DHCR7: variants seen among roughly 807,000 people sequenced by gnomAD.
DHCR7 encodes the protein 7-dehydrocholesterol reductase, also known as 7-DHC reductase.
Under a neutral mutation model 43.3 loss-of-function variants are expected in DHCR7, and 40 were observed. That is an observed-to-expected ratio of 0.92 (90% confidence interval 0.72 to 1.20). The LOEUF is 1.20. DHCR7 is among the 50% of genes most tolerant of loss of function. The pLI, the probability that DHCR7 is intolerant of heterozygous loss-of-function variation, is 0.00. For missense variants in DHCR7, 608 were observed against 644.6 expected (o/e 0.94, Z 0.62); for synonymous variants, 298 against 271.4 (o/e 1.10, Z -0.96).
intron 5 of DHCR7, among the ~76,000 whole-genome samples, chr11:71,441,671 C>G (rs1239306219): frequency 6.6e-6 from 1 of 152,174 alleles, no homozygotes; most frequent in Non-Finnish European, 1.5e-5. Flanking sequence ...GGTTCTGCAT[C>G]TCGTTAACTG....
chr11:71,429,290 G>T (rs1410230245), intron 2 of DHCR7, among the ~76,000 whole-genome samples: 1 of 152,206 alleles, frequency 6.6e-6, no homozygotes, highest in South Asian at 2.1e-4. Context: ...CCCTCAGAAC[G>T]ACCCTGGCTT....
intron 4 of DHCR7, 147 bp from the exon 5 acceptor site, chr11:71,442,500 G>A (rs567247552): frequency 4.3e-6 from 3 of 701,048 alleles, no homozygotes; most frequent in Admixed American, 4.2e-5. Flanking sequence ...TGGGCTGTGG[G>A]TTTTGAAGGG....
chr11:71,448,933 A>C (rs1949435438), upstream of DHCR7: 1 of 152,552 alleles, frequency 6.6e-6, no homozygotes, highest in African/African-American at 2.4e-5. Context: ...AGACCGCCAA[A>C]GTGACCCGAG....
At chr11:71,441,531 T>A in intron 5 of DHCR7, 91 bp from the exon 6 acceptor site, 1 of 1,133,164 alleles carries the variant, frequency 8.8e-7, no homozygotes. Context: ...GGGGCCCTGG[T>A]CACTTTCTGG....
At chr11:71,437,663 G>A (rs1293705748) in intron 8 of DHCR7, 149 bp downstream of exon 8, 6 of 1,179,240 alleles carry the variant, frequency 5.1e-6, no homozygotes, top group Non-Finnish European at 6.0e-6. Flanking sequence ...GGCCCAAGCT[G>A]GCTGAGCTGG....
intron 2 of DHCR7, among the ~76,000 whole-genome samples, chr11:71,447,072 C>A (rs1294648100): frequency 6.6e-6 from 1 of 152,192 alleles, no homozygotes; most frequent in Non-Finnish European, 1.5e-5. Flanking sequence ...CCACTCCCTC[C>A]GATCCCTAGT....
chr11:71,443,464 TACA>T (rs1202601621), intron 4 of DHCR7, among the ~76,000 whole-genome samples: 8 of 152,188 alleles, frequency 5.3e-5, no homozygotes, highest in Admixed American at 2.0e-4. Context: ...GCACCAGGTT[TACA>T]ACAACCCCTT....
chr11:71,444,353 G>A (rs921222771), intron 3 of DHCR7, 138 bp from the exon 4 acceptor site: 25 of 730,838 alleles, frequency 3.4e-5, no homozygotes, highest in Middle Eastern at 3.1e-4. Context: ...CTCCTAGCAC[G>A]GGCCCTCCTT....
downstream of DHCR7, among the ~76,000 whole-genome samples, chr11:71,431,983 C>T (rs1468348352): frequency 1.3e-5 from 2 of 152,154 alleles, no homozygotes; most frequent in African/African-American, 4.8e-5. Flanking sequence ...GCCACCATGC[C>T]CAACTAATTT....
intron 6 of DHCR7, among the ~76,000 whole-genome samples, chr11:71,440,029 G>A (rs1263997581): frequency 6.6e-6 from 1 of 152,212 alleles, no homozygotes. Flanking sequence ...ATGGATGGAT[G>A]GATAGATAAC....
chr11:71,431,798 T>A (rs1355280588), downstream of DHCR7, among the ~76,000 whole-genome samples: 1 of 152,220 alleles, frequency 6.6e-6, no homozygotes, highest in South Asian at 2.1e-4. Context: ...TTGGTATATA[T>A]CCTTTTATGT....
intron 5 of DHCR7, among the ~76,000 whole-genome samples, chr11:71,441,731 A>C (rs1473114320): frequency 6.6e-6 from 1 of 152,132 alleles, no homozygotes; most frequent in East Asian, 1.9e-4. Flanking sequence ...GTCAGGGCTG[A>C]GGGGCAGAAG....
At chr11:71,433,809 C>T (rs569631458), downstream of DHCR7, among the ~76,000 whole-genome samples, 9 of 152,364 alleles carry the variant, frequency 5.9e-5, no homozygotes, top group South Asian at 2.1e-4. Flanking sequence ...GTCTCCCCGG[C>T]ATTTGAATCA....
chr11:71,435,532 C>G lies in DHCR7; in HGVS notation c.1271G>C (p.Gly424Ala). The change falls in exon 9 of 9, where the codon GGC (glycine) becomes GCC (alanine). Residue 424 changes from glycine to alanine, a missense_variant. Physicochemically the swap from Gly to Ala is moderately conservative, Grantham distance 60. Coordinates refer to ENST00000355527, the MANE Select transcript of DHCR7 (RefSeq NM_001360.3). ...GTAGAAGTAGGGCAGCAGGTGGCCG[C>G]CGCCACAGGCCAGGCAGTAGGCCAG... is the stretch of plus-strand genomic sequence containing the variant. ...GSLAYCLACG[G>A]GHLLPYFYII... The G allele has an allele frequency of 6.2e-7, 1 of 1,611,006 alleles. No individual in the cohort carries two copies. Among genetic ancestry groups the G allele is most frequent in the East Asian group, 2.2e-5 (1 of 44,870 alleles).
chr11:71,446,475 G>A (rs1288406559), intron 2 of DHCR7, among the ~76,000 whole-genome samples: 1 of 152,134 alleles, frequency 6.6e-6, no homozygotes, highest in Non-Finnish European at 1.5e-5. Context: ...GGTACTAAAA[G>A]GAAATTACTT....
chr11:71,431,337 A>G (rs866730817), downstream of DHCR7, among the ~76,000 whole-genome samples: 1 of 152,228 alleles, frequency 6.6e-6, no homozygotes, highest in South Asian at 2.1e-4. Flanking sequence ...CTTGGCTTTC[A>G]GGCTTTAAAC....
chr11:71,447,147 T>G lies in DHCR7; in HGVS notation c.-7+463A>C, dbSNP rs1481736494. ...ACACTTGCCTTACAGGAAGGCTAAG[T>G]AGAATGGGGTGGCATTCGTCTTGCC... On this transcript the variant is annotated intron_variant, in intron 2 of 8. Transcript: ENST00000355527. Among the ~76,000 whole-genome samples the G allele has an allele frequency of 3.2e-4, 48 of 152,222 alleles. 2 individuals carry two copies. Among genetic ancestry groups the G allele is most frequent in the Admixed American group, 3.1e-3 (48 of 15,288 alleles).
At chr11:71,441,934 G>A (rs1949352462) in intron 5 of DHCR7, among the ~76,000 whole-genome samples, 1 of 152,182 alleles carries the variant, frequency 6.6e-6, no homozygotes. Flanking sequence ...AACAGACAAG[G>A]TCTCCCACGG....
At chr11:71,428,911 G>T in intron 2 of DHCR7, 1 of 451,852 alleles carries the variant, frequency 2.2e-6, no homozygotes, top group South Asian at 1.6e-5. Context: ...CCCAGTTAAA[G>T]AAAAAAATAA....
Sources: allele counts gnomAD v4.1 joint callset (sites outside exome capture counted in the v4.1 genomes callset), GRCh38; gene constraint gnomAD v4.1.1; transcripts MANE v1.5; gene names NCBI Gene and HGNC (gene_info 2026-07-23, HGNC 2026-07-21).